Variants in UTRN observed in about 807,000 individuals in gnomAD.
UTRN encodes the protein utrophin, also known as dystrophin-related protein 1.
In UTRN, 283 loss-of-function variants were observed where a neutral mutation model predicts 463.9. The observed-to-expected ratio is 0.61, with a 90% CI of 0.55 to 0.67. The LOEUF (loss-of-function observed/expected upper bound fraction) is 0.67, where lower values mean the gene tolerates loss of function less well. Ranked by LOEUF, UTRN falls within the 30% of genes least tolerant of loss-of-function variation. The pLI is 0.00. For missense variants in UTRN, 3,922 were observed against 4,084.3 expected, an observed-to-expected ratio of 0.96 and a Z score of 1.08; for synonymous variants, 1,442 against 1,431.5, an observed-to-expected ratio of 1.01 and a Z score of -0.17.
In UTRN at chr6:144,697,841, T is replaced by C. The variant is rs373336675; in HGVS notation, c.7653-2246T>C. Among the ~76,000 whole-genome samples the C allele has an allele frequency of 1.6e-4, 25 of 152,344 alleles. No individual in the cohort carries two copies. The East Asian group carries it at 4.8e-3, about 29-fold the overall frequency. On this transcript the variant is annotated intron_variant, in intron 52 of 74. Transcript: ENST00000367545. ...TCAAAGAAGACTGCATTGGAAAATA[T>C]GTTTGTGTGCATTTCAATACAATAA...
chr6:144,321,568 C>T (rs1280362635), intron 2 of UTRN, among the ~76,000 whole-genome samples: 1 of 146,354 alleles, frequency 6.8e-6, no homozygotes, highest in Non-Finnish European at 1.5e-5. Flanking sequence ...CTCCCGGGTT[C>T]AAGCGATTCT....
chr6:144,648,121 A>G (rs1032914195), intron 51 of UTRN, among the ~76,000 whole-genome samples: 3 of 152,344 alleles, frequency 2.0e-5, no homozygotes, highest in Admixed American at 1.3e-4. Context: ...CCAAGGTCAG[A>G]CAGTGAGTTG....
At chr6:144,846,891 C>A in intron 74 of UTRN, 64 bp downstream of exon 74, 1 of 1,589,776 alleles carries the variant, frequency 6.3e-7, no homozygotes, top group South Asian at 1.1e-5. Flanking sequence ...GCAGATTATC[C>A]ACGACTGATT....
chr6:144,507,504 T>C (rs1164686871), intron 34 of UTRN, among the ~76,000 whole-genome samples: 1 of 152,168 alleles, frequency 6.6e-6, no homozygotes, highest in Admixed American at 6.5e-5. Flanking sequence ...TTTGTTAGTT[T>C]TCCTTCTAAC....
intron 42 of UTRN, among the ~76,000 whole-genome samples, chr6:144,531,729 C>T (rs970305666): frequency 6.6e-5 from 10 of 152,074 alleles, no homozygotes; most frequent in African/African-American, 1.4e-4. Context: ...AGAAAGCACA[C>T]GCAATTTCAA....
At chr6:144,414,297 C>T (rs907120889) in intron 3 of UTRN, among the ~76,000 whole-genome samples, 12 of 152,222 alleles carry the variant, frequency 7.9e-5, no homozygotes, top group African/African-American at 2.6e-4. Flanking sequence ...TATTATTGAT[C>T]CTCACCCTGT....
At chr6:144,784,481 A>T (rs1776135284) in intron 61 of UTRN, among the ~76,000 whole-genome samples, 1 of 152,194 alleles carries the variant, frequency 6.6e-6, no homozygotes. Flanking sequence ...GACACCAGTC[A>T]TATCAGATTA....
At chr6:144,804,796 A>G (rs922971064) in intron 65 of UTRN, among the ~76,000 whole-genome samples, 2 of 152,200 alleles carry the variant, frequency 1.3e-5, no homozygotes, top group African/African-American at 4.8e-5. Context: ...TGTTGGAGAT[A>G]CATCCACATC....
intron 41 of UTRN, among the ~76,000 whole-genome samples, chr6:144,525,842 A>AC (rs1350226097): frequency 2.6e-5 from 4 of 152,104 alleles, no homozygotes; most frequent in Admixed American, 6.5e-5. Context: ...TCCTCTTAGT[A>AC]CCGCTTTTGC....
intron 21 of UTRN, among the ~76,000 whole-genome samples, chr6:144,460,907 G>C (rs1335215209): frequency 6.6e-6 from 1 of 152,160 alleles, no homozygotes; most frequent in Non-Finnish European, 1.5e-5. Flanking sequence ...TGGAACAAAA[G>C]GGACATTGTT....
intron 23 of UTRN, among the ~76,000 whole-genome samples, chr6:144,465,092 A>G (rs777324029): frequency 6.6e-6 from 1 of 152,216 alleles, no homozygotes; most frequent in African/African-American, 2.4e-5. Context: ...CAAAATAATC[A>G]TCTGGCTCCA....
intron 48 of UTRN, among the ~76,000 whole-genome samples, chr6:144,552,044 C>T (rs1056293230): frequency 6.6e-6 from 1 of 152,144 alleles, no homozygotes; most frequent in Non-Finnish European, 1.5e-5. Context: ...TTGTCTCTCT[C>T]TTCCATAGAT....
chr6:144,462,221 T>A (rs1789493232), intron 22 of UTRN, among the ~76,000 whole-genome samples: 1 of 152,202 alleles, frequency 6.6e-6, no homozygotes, highest in Admixed American at 6.5e-5. Flanking sequence ...TCCATCCATA[T>A]ACCTGCAAAG....
At chr6:144,511,977 T>A (rs1795214916) in intron 35 of UTRN, among the ~76,000 whole-genome samples, 1 of 152,152 alleles carries the variant, frequency 6.6e-6, no homozygotes, top group Non-Finnish European at 1.5e-5. Flanking sequence ...AAATACATTA[T>A]CATGTGTTTG....
At chr6:144,418,904 G>C (rs1784592542) in intron 3 of UTRN, among the ~76,000 whole-genome samples, 1 of 152,018 alleles carries the variant, frequency 6.6e-6, no homozygotes. Context: ...ATTTGAGAAG[G>C]GTTTCAGGCT....
chr6:144,674,982 C>T (rs1781443507), intron 51 of UTRN, among the ~76,000 whole-genome samples: 1 of 152,176 alleles, frequency 6.6e-6, no homozygotes, highest in African/African-American at 2.4e-5. Context: ...TGGATTGGAT[C>T]CATTGCTGGA....
chr6:144,388,136 C>T (rs965115434), intron 2 of UTRN, among the ~76,000 whole-genome samples: 3 of 152,168 alleles, frequency 2.0e-5, no homozygotes, highest in Admixed American at 6.5e-5. Flanking sequence ...AATCTTCTAA[C>T]GTACAGATAC....
intron 50 of UTRN, among the ~76,000 whole-genome samples, chr6:144,573,321 G>A (rs1432134909): frequency 2.0e-5 from 3 of 152,068 alleles, no homozygotes; most frequent in Non-Finnish European, 4.4e-5. Context: ...GGAGGCTGAG[G>A]CAGGCAGATC....
At chr6:144,575,226 A>T (rs983249432) in intron 50 of UTRN, among the ~76,000 whole-genome samples, 2 of 152,198 alleles carry the variant, frequency 1.3e-5, no homozygotes, top group East Asian at 1.9e-4. Flanking sequence ...TTTTAAAATG[A>T]TATGTTAAAA....
Sources: allele counts gnomAD v4.1 joint callset (sites outside exome capture counted in the v4.1 genomes callset), GRCh38; gene constraint gnomAD v4.1.1; transcripts MANE v1.5; gene names NCBI Gene and HGNC (gene_info 2026-07-23, HGNC 2026-07-21).